Variants in WBP2NL observed in about 807,000 individuals in gnomAD.
The protein encoded by WBP2NL is WBP2 N-terminal like.
A neutral mutation model predicts 23.3 loss-of-function variants in WBP2NL; 27 were observed. That is an observed-to-expected ratio of 1.16 (90% CI 0.85 to 1.60). The LOEUF (loss-of-function observed/expected upper bound fraction) is 1.60, where lower values mean the gene tolerates loss of function less well. Ranked by LOEUF, WBP2NL falls within the 40% of genes most tolerant of loss-of-function variation. The probability of loss-of-function intolerance (pLI) is 0.00; values close to 1 mark genes in which losing one functional copy is unlikely to be tolerated. For missense variants in WBP2NL, 370 were observed against 389.5 expected (o/e 0.95, Z 0.42); for synonymous variants, 151 against 145.9 (o/e 1.03, Z -0.25).
chr22:42,056,496 A>G (rs1349026572), intron 8 of WBP2NL, among the ~76,000 whole-genome samples: 2 of 152,166 alleles, frequency 1.3e-5, no homozygotes, highest in Non-Finnish European at 2.9e-5. Context: ...ATGTGGATTC[A>G]AGTTACTAGT....
At chr22:42,029,664 G>A (rs530730714), downstream of WBP2NL, among the ~76,000 whole-genome samples, 24 of 152,238 alleles carry the variant, frequency 1.6e-4, no homozygotes, top group East Asian at 3.9e-3. Flanking sequence ...GAGCCACTGC[G>A]CCTGGCCTTC....
At chr22:42,034,746 G>A (rs1452522417), downstream of WBP2NL, among the ~76,000 whole-genome samples, 1 of 152,198 alleles carries the variant, frequency 6.6e-6, no homozygotes, top group African/African-American at 2.4e-5. Context: ...ACCCCTAGGT[G>A]CGCATTCTCT....
At chr22:42,002,472 G>A (rs1346292968) in intron 1 of WBP2NL, among the ~76,000 whole-genome samples, 3 of 151,930 alleles carry the variant, frequency 2.0e-5, no homozygotes, top group African/African-American at 2.4e-5. Context: ...TAATCCCAGC[G>A]ACTCAGGAGG....
intron 1 of WBP2NL, among the ~76,000 whole-genome samples, chr22:42,007,705 C>T (rs890143074): frequency 1.3e-5 from 2 of 152,160 alleles, no homozygotes; most frequent in Admixed American, 6.5e-5. Flanking sequence ...CCTCAAGGTT[C>T]GTCCATGTTA....
intron 5 of WBP2NL, among the ~76,000 whole-genome samples, chr22:42,025,055 G>A (rs371556267): frequency 4.5e-4 from 68 of 152,192 alleles, no homozygotes; most frequent in African/African-American, 1.5e-3. Context: ...TGCCTGCCTC[G>A]GCCAGTGGGT....
chr22:42,017,050 C>T (rs1923367544), intron 1 of WBP2NL, among the ~76,000 whole-genome samples: 1 of 152,222 alleles, frequency 6.6e-6, no homozygotes, highest in Non-Finnish European at 1.5e-5. Context: ...TCTGCTCCTG[C>T]ACCTCCATGA....
At chr22:42,014,342 CAG>C (rs977497884) in intron 1 of WBP2NL, among the ~76,000 whole-genome samples, 2 of 152,164 alleles carry the variant, frequency 1.3e-5, no homozygotes, top group East Asian at 3.8e-4. Flanking sequence ...CCTCCCACCT[CAG>C]TGTCTTGGAT....
chr22:42,054,629 A>AT (rs1039768719), intron 8 of WBP2NL, among the ~76,000 whole-genome samples: 27 of 146,854 alleles, frequency 1.8e-4, no homozygotes, highest in Admixed American at 2.8e-4. Context: ...AGTTACATTC[A>AT]TTTTTTTTTA....
At position 42,020,174 on chromosome 22, in the gene WBP2NL, CTGT is replaced by C. The variant is rs759266205; in HGVS notation, c.406+89_406+91del. 1.9e-4 allele frequency: 260 copies of C among 1,357,678 alleles called. No homozygotes were observed. The East Asian group carries it at 3.6e-3, about 19-fold the overall frequency. The allele number at this position is 1,357,678 out of a possible 1,614,324, so 84.1% of individuals were successfully genotyped here. On this transcript the variant is annotated intron_variant, in intron 4 of 5. Transcript: ENST00000328823. ...TTTGGGTTTTTTGTTGTTGTTGTTG[CTGT>C]TGTTGTTGTTTTGTTGTTTTTGAGA...
At chr22:42,013,386 C>CAAAAAA (rs879371078) in intron 1 of WBP2NL, among the ~76,000 whole-genome samples, 1 of 84,446 alleles carries the variant, frequency 1.2e-5, no homozygotes, top group Non-Finnish European at 2.5e-5. Flanking sequence ...AACTCCATCT[C>CAAAAAA]AAAAAAAAAA....
intron 1 of WBP2NL, among the ~76,000 whole-genome samples, chr22:42,017,345 A>G (rs953500733): frequency 3.3e-5 from 5 of 151,840 alleles, no homozygotes; most frequent in Non-Finnish European, 7.4e-5. Flanking sequence ...TAACTCCCCA[A>G]ATGATCCGCC....
intron 8 of WBP2NL, among the ~76,000 whole-genome samples, chr22:42,039,434 C>A (rs1338800337): frequency 6.7e-6 from 1 of 149,552 alleles, no homozygotes; most frequent in East Asian, 2.0e-4. Flanking sequence ...CCCAAGCAAT[C>A]CTCCTGGCTC....
chr22:42,045,242 T>TCCTGGCCAACATGGTGAAAC (rs1350656660), intron 8 of WBP2NL, among the ~76,000 whole-genome samples: 1 of 151,894 alleles, frequency 6.6e-6, no homozygotes, highest in Non-Finnish European at 1.5e-5. Context: ...ATCGAGACCA[T>TCCTGGCCAACATGGTGAAAC]CCTGGCCAAC....
intron 8 of WBP2NL, among the ~76,000 whole-genome samples, chr22:42,054,185 TA>T (rs897438224): frequency 1.1e-4 from 16 of 151,106 alleles, no homozygotes; most frequent in African/African-American, 2.7e-4. Flanking sequence ...GCTTCTGATT[TA>T]AAAAAAAAAT....
downstream of WBP2NL, among the ~76,000 whole-genome samples, chr22:42,028,872 G>T (rs1458258219): frequency 1.3e-5 from 2 of 152,214 alleles, no homozygotes; most frequent in Non-Finnish European, 2.9e-5. Flanking sequence ...TTAAGGTACT[G>T]CCCTGTACGT....
At chr22:42,014,249 A>G (rs767531583) in intron 1 of WBP2NL, among the ~76,000 whole-genome samples, 1 of 151,818 alleles carries the variant, frequency 6.6e-6, no homozygotes, top group African/African-American at 2.4e-5. Context: ...ATTTTGAGAC[A>G]GGGTCTCCCT....
chr22:42,001,763 C>T (rs758655231), intron 1 of WBP2NL: 57 of 1,198,304 alleles, frequency 4.8e-5, no homozygotes, highest in Non-Finnish European at 5.4e-5. Flanking sequence ...CGCACCAGGA[C>T]AGGACTCCGT....
chr22:42,022,415 G>C, intron 5 of WBP2NL, 59 bp downstream of exon 5: 1 of 1,449,540 alleles, frequency 6.9e-7, no homozygotes, highest in Non-Finnish European at 9.5e-7. Context: ...GAGGCTCAAA[G>C]ATCTATCCCT....
Position 42,010,566 on chromosome 22 carries a change from T to C in WBP2NL, c.63-8745T>C, listed in dbSNP as rs557135891. On this transcript the variant is annotated intron_variant, in intron 1 of 5. Coordinates refer to ENST00000328823, the MANE Select transcript of WBP2NL (RefSeq NM_152613.3). ...TTTTTTCTTTTTTTTTGAGACGGAG[T>C]CTCGCTCTGTTGCCCAGGCTGGAGT... Among the ~76,000 whole-genome samples the C allele has an allele frequency of 6.6e-5, 10 of 152,170 alleles. No homozygotes were observed. The East Asian group carries it at 1.7e-3, about 26-fold the overall frequency.
Sources: gnomAD v4.1 joint callset for allele counts (sites outside exome capture counted in the v4.1 genomes callset) on GRCh38, gnomAD v4.1.1 for gene constraint, MANE v1.5 for transcripts, NCBI Gene and HGNC (gene_info 2026-07-23, HGNC 2026-07-21) for gene names.